Variants in CCAR1 observed in about 807,000 individuals in gnomAD.
CCAR1 encodes the protein cell division cycle and apoptosis regulator 1.
A neutral mutation model predicts 163.8 loss-of-function variants in CCAR1; 78 were observed. The ratio of observed to expected loss-of-function variants is 0.48; its 90% confidence interval spans 0.40 to 0.57. The LOEUF (loss-of-function observed/expected upper bound fraction) is 0.57. Among genes scored for constraint, CCAR1 ranks in the 20% least tolerant of loss-of-function variants. CCAR1 has a pLI of 0.00. For synonymous variants in CCAR1, 443 were observed against 460.7 expected (o/e 0.96, Z 0.49); for missense variants, 1,019 against 1,365.2 (o/e 0.75, Z 4.00).
At chr10:68,754,222 A>G (rs1245680086) in intron 11 of CCAR1, 145 bp downstream of exon 11, 11 of 554,816 alleles carry the variant, frequency 2.0e-5, no homozygotes, top group Non-Finnish European at 2.2e-5. Context: ...TATTTTGGTT[A>G]CATAATTTAA....
intron 5 of CCAR1, 66 bp downstream of exon 5, chr10:68,740,727 A>C: frequency 7.9e-7 from 1 of 1,269,854 alleles, no homozygotes; most frequent in Non-Finnish European, 1.1e-6. Context: ...CTTTATTAGT[A>C]TTCTACTTTT....
chr10:68,740,680 A>C lies in CCAR1; in HGVS notation c.324+19A>C, dbSNP rs972533032. On this transcript the variant is annotated intron_variant, in intron 5 of 24. Coordinates refer to ENST00000265872, the MANE Select transcript of CCAR1 (RefSeq NM_018237.4). ...AACACAGGTTAGTTGGTATTACTTT[A>C]TTTGTTTTGGATGTCTGAATGAACA... 15 of 1,597,186 alleles carry C rather than the reference A, an allele frequency of 9.4e-6. No homozygotes were observed. The highest frequency in any genetic ancestry group is 1.3e-5 in the Non-Finnish European group (15 of 1,169,288).
rs928417856 is a variant in CCAR1, at chr10:68,786,127, A to G, written c.2651-9A>G. The G allele has an allele frequency of 3.8e-6, 6 of 1,598,348 alleles. No homozygotes were observed. The highest frequency in any genetic ancestry group is 1.1e-5 in the South Asian group (1 of 90,012). ...TGACTTTTTTGCCACTGTTATATTT[A>G]TTTTACAGATAGGGATGAGGAAGAA... is the stretch of plus-strand genomic sequence containing the variant. On this transcript the variant is annotated splice_polypyrimidine_tract_variant and intron_variant, in intron 19 of 24. Transcript: ENST00000265872.
chr10:68,742,689 C>T, intron 6 of CCAR1, 120 bp downstream of exon 6: 6 of 773,096 alleles, frequency 7.8e-6, no homozygotes, highest in Non-Finnish European at 1.3e-5. Context: ...CAAGTCGACT[C>T]ACTGCAGCCT....
chr10:68,743,873 C>T (rs1403616137), intron 6 of CCAR1, among the ~76,000 whole-genome samples: 1 of 152,164 alleles, frequency 6.6e-6, no homozygotes, highest in African/African-American at 2.4e-5. Context: ...CCTCAGGCTC[C>T]TAAGTAGCTA....
chr10:68,731,591 G>GTTTTTTTT (rs67032408), intron 2 of CCAR1, among the ~76,000 whole-genome samples: 41 of 75,622 alleles, frequency 5.4e-4, no homozygotes, highest in South Asian at 9.9e-4. Flanking sequence ...TCTTGTTTCT[G>GTTTTTTTT]TTTTTTTTTT....
intron 16 of CCAR1, among the ~76,000 whole-genome samples, chr10:68,765,242 A>C (rs1218636750): frequency 1.3e-5 from 2 of 152,184 alleles, no homozygotes; most frequent in African/African-American, 4.8e-5. Flanking sequence ...GTAAGGCTAG[A>C]GTGGCCTAGG....
At chr10:68,763,546 C>G (rs1207775846) in intron 16 of CCAR1, among the ~76,000 whole-genome samples, 1 of 152,146 alleles carries the variant, frequency 6.6e-6, no homozygotes, top group South Asian at 2.1e-4. Context: ...CTCCTGGGTT[C>G]AAGCGATTCT....
intron 4 of CCAR1, among the ~76,000 whole-genome samples, chr10:68,739,132 A>C (rs2056150990): frequency 6.6e-6 from 1 of 152,198 alleles, no homozygotes; most frequent in Non-Finnish European, 1.5e-5. Context: ...TAGTCTAAGC[A>C]TGTCCCTGGA....
At chr10:68,729,782 T>C (rs1354569877) in intron 2 of CCAR1, among the ~76,000 whole-genome samples, 1 of 152,134 alleles carries the variant, frequency 6.6e-6, no homozygotes, top group African/African-American at 2.4e-5. Context: ...AATTTCTTTT[T>C]TATAGTGGGG....
rs764797100 is a variant in CCAR1 at position 68,788,224 on chromosome 10, A to G, written c.3083A>G (p.Asn1028Ser). 6.2e-7 allele frequency: 1 copy of G among 1,604,946 alleles called. No homozygotes were observed. The highest frequency in any genetic ancestry group is 1.1e-5 in the South Asian group (1 of 89,010). ...GAAAATGTTGGCCTCATTGTGTACA[A>G]TGGTGCAATGGTAGATGTAGGAAGC... is the stretch of plus-strand genomic sequence containing the variant. ...VEENVGLIVY[N>S]GAMVDVGSLL... Residue 1028 changes from asparagine (N) to serine (S), a missense_variant, in exon 23 of 25, where the codon AAT becomes AGT. By Grantham distance (46) the Asn-to-Ser change is conservative. Coordinates refer to ENST00000265872, the MANE Select transcript of CCAR1 (RefSeq NM_018237.4).
At chr10:68,758,538 GTGTGTGTA>G (rs2056424292) in intron 15 of CCAR1, among the ~76,000 whole-genome samples, 2 of 145,508 alleles carry the variant, frequency 1.4e-5, no homozygotes, top group African/African-American at 5.5e-5. Context: ...GTGTGTGTGT[GTGTGTGTA>G]TACAGTGTAT....
At chr10:68,723,976 T>C (rs1249327969) in intron 2 of CCAR1, among the ~76,000 whole-genome samples, 1 of 149,192 alleles carries the variant, frequency 6.7e-6, no homozygotes, top group Non-Finnish European at 1.5e-5. Flanking sequence ...CTGACCAACA[T>C]GGAGAAACCC....
chr10:68,734,608 T>C (rs2056083299), intron 2 of CCAR1, among the ~76,000 whole-genome samples: 1 of 152,122 alleles, frequency 6.6e-6, no homozygotes, highest in African/African-American at 2.4e-5. Flanking sequence ...GAAGTGATTC[T>C]CGTGCCTCAG....
At chr10:68,741,243 G>T (rs1213274945) in intron 5 of CCAR1, among the ~76,000 whole-genome samples, 1 of 151,970 alleles carries the variant, frequency 6.6e-6, no homozygotes, top group Admixed American at 6.6e-5. Flanking sequence ...ACTTAATACT[G>T]ATTTTTCATT....
At chr10:68,780,227 C>G (rs555930021) in intron 19 of CCAR1, among the ~76,000 whole-genome samples, 7 of 152,126 alleles carry the variant, frequency 4.6e-5, no homozygotes, top group Non-Finnish European at 1.0e-4. Flanking sequence ...TCAAGACAGT[C>G]TTATTCTGTT....
chr10:68,731,284 T>A (rs535960183), intron 2 of CCAR1, among the ~76,000 whole-genome samples: 35 of 152,362 alleles, frequency 2.3e-4, no homozygotes, highest in African/African-American at 7.7e-4. Flanking sequence ...ATTCTAATAA[T>A]TCACATTGAG....
intron 19 of CCAR1, among the ~76,000 whole-genome samples, chr10:68,785,347 C>T (rs190846809): frequency 9.2e-5 from 14 of 151,760 alleles, no homozygotes; most frequent in African/African-American, 2.9e-4. Flanking sequence ...CAGCCCTCTG[C>T]GCAACTGGGA....
At chr10:68,757,563 C>T (rs2056410728) in intron 15 of CCAR1, among the ~76,000 whole-genome samples, 186 bp downstream of exon 15, 1 of 151,876 alleles carries the variant, frequency 6.6e-6, no homozygotes, top group Non-Finnish European at 1.5e-5. Flanking sequence ...TACAGGCACC[C>T]TGCCACCACG....
Sources: allele counts gnomAD v4.1 joint callset (sites outside exome capture counted in the v4.1 genomes callset), GRCh38; gene constraint gnomAD v4.1.1; transcripts MANE v1.5; gene names NCBI Gene and HGNC (gene_info 2026-07-23, HGNC 2026-07-21).